The following CADM1 variants were observed in gnomAD, a reference collection of about 807,000 sequenced individuals.
CADM1 encodes cell adhesion molecule 1.
Under a neutral mutation model 53.1 loss-of-function variants are expected in CADM1, and 15 were observed. The observed-to-expected ratio is 0.28, with a 90% CI of 0.19 to 0.44. The LOEUF (loss-of-function observed/expected upper bound fraction) is 0.44. Among genes scored for constraint, CADM1 ranks in the 20% least tolerant of loss-of-function variants. CADM1 has a pLI of 1.00. For synonymous variants in CADM1, 281 were observed against 243.0 expected (o/e 1.16, Z -1.45); for missense variants, 434 against 611.3 (o/e 0.71, Z 3.06).
chr11:115,502,622 G>A (rs1949753459), intron 1 of CADM1, among the ~76,000 whole-genome samples: 2 of 151,938 alleles, frequency 1.3e-5, no homozygotes, highest in Non-Finnish European at 2.9e-5. Flanking sequence ...CGGAGACAGT[G>A]GCATGGAGGA....
At chr11:115,393,404 A>T (rs1946895601) in intron 1 of CADM1, among the ~76,000 whole-genome samples, 1 of 151,882 alleles carries the variant, frequency 6.6e-6, no homozygotes, top group Non-Finnish European at 1.5e-5. Flanking sequence ...AAAAAATTTT[A>T]AATGAAACAG....
intron 10 of CADM1, among the ~76,000 whole-genome samples, chr11:115,181,965 G>A (rs1939335472): frequency 6.6e-6 from 1 of 152,210 alleles, no homozygotes; most frequent in African/African-American, 2.4e-5. Context: ...AAGCATGGCT[G>A]CGACAAAGTC....
chr11:115,466,932 A>G (rs1167006863), intron 1 of CADM1, among the ~76,000 whole-genome samples: 1 of 152,240 alleles, frequency 6.6e-6, no homozygotes, highest in East Asian at 1.9e-4. Flanking sequence ...CTGTGAGTAC[A>G]TCACTTACCA....
chr11:115,247,746 T>C (rs943281896), intron 1 of CADM1, among the ~76,000 whole-genome samples: 1 of 152,214 alleles, frequency 6.6e-6, no homozygotes, highest in African/African-American at 2.4e-5. Context: ...CTGAAATTCC[T>C]TTGGGGAGAG....
At chr11:115,320,046 CTTTA>C (rs763301614) in intron 1 of CADM1, among the ~76,000 whole-genome samples, 8 of 152,030 alleles carry the variant, frequency 5.3e-5, no homozygotes, top group Non-Finnish European at 1.0e-4. Flanking sequence ...CTTTTCTAAA[CTTTA>C]TTTATTTATT....
intron 1 of CADM1, among the ~76,000 whole-genome samples, chr11:115,346,656 C>A (rs1486849825): frequency 6.6e-6 from 1 of 152,102 alleles, no homozygotes; most frequent in Non-Finnish European, 1.5e-5. Context: ...ATCAACTTTT[C>A]CCAGGTTTCT....
Position 115,169,299 on chromosome 11 carries a change from C to A in CADM1, c.*7175G>T, listed in dbSNP as rs953013792. Reference sequence around the variant, plus strand: ...AATTGGTGATCTTGGCTGGGGCTAACGTGACTCAAGGCCCTTCTCGATGCA... The same window carrying A: ...AATTGGTGATCTTGGCTGGGGCTAAAGTGACTCAAGGCCCTTCTCGATGCA... On this transcript the variant is annotated 3_prime_UTR_variant, in exon 12 of 12. Coordinates refer to ENST00000331581, the MANE Select transcript of CADM1 (RefSeq NM_001301043.2). 5.8e-6 allele frequency: 1 copy of A among 172,200 alleles called. No individual in the cohort carries two copies. Among genetic ancestry groups the A allele is most frequent in the South Asian group, 1.0e-4 (1 of 9,680 alleles). The allele number at this position is 172,200 out of a possible 1,614,324, so 10.7% of individuals were successfully genotyped here.
At chr11:115,280,527 G>A (rs1485929937) in intron 1 of CADM1, among the ~76,000 whole-genome samples, 1 of 152,244 alleles carries the variant, frequency 6.6e-6, no homozygotes, top group Non-Finnish European at 1.5e-5. Context: ...GGGATTAATT[G>A]TTAGTCCTAC....
chr11:115,187,999 C>T (rs1296426088), intron 10 of CADM1, among the ~76,000 whole-genome samples: 1 of 152,088 alleles, frequency 6.6e-6, no homozygotes, highest in Non-Finnish European at 1.5e-5. Context: ...TTTTTGGTGC[C>T]TTTGCTTCCA....
At chr11:115,250,220 T>C (rs1308939494) in intron 1 of CADM1, among the ~76,000 whole-genome samples, 1 of 152,216 alleles carries the variant, frequency 6.6e-6, no homozygotes, top group Non-Finnish European at 1.5e-5. Flanking sequence ...TTATTCTTTA[T>C]AAAATTATTT....
chr11:115,490,829 G>A (rs1298936092), intron 1 of CADM1, among the ~76,000 whole-genome samples: 1 of 152,134 alleles, frequency 6.6e-6, no homozygotes, highest in Non-Finnish European at 1.5e-5. Context: ...GTGTTTCTTG[G>A]ACAAGGGACC....
intron 1 of CADM1, among the ~76,000 whole-genome samples, chr11:115,486,286 C>A (rs1028455710): frequency 6.6e-6 from 1 of 152,176 alleles, no homozygotes; most frequent in Non-Finnish European, 1.5e-5. Flanking sequence ...AAAAAACCAA[C>A]CTGATGTTAC....
At chr11:115,278,429 T>A (rs1943501492) in intron 1 of CADM1, among the ~76,000 whole-genome samples, 1 of 152,106 alleles carries the variant, frequency 6.6e-6, no homozygotes, top group Non-Finnish European at 1.5e-5. Context: ...CAGGGCATAA[T>A]AAAGATCATA....
At chr11:115,179,735 TGAGTC>T (rs760770039) in intron 10 of CADM1, among the ~76,000 whole-genome samples, 12 of 152,324 alleles carry the variant, frequency 7.9e-5, no homozygotes, top group Admixed American at 3.3e-4. Context: ...TTTTTTTTAT[TGAGTC>T]AAGTACGACA....
intron 1 of CADM1, among the ~76,000 whole-genome samples, chr11:115,466,881 T>C (rs1256144025): frequency 6.6e-6 from 1 of 152,150 alleles, no homozygotes; most frequent in East Asian, 1.9e-4. Context: ...ACAACCCACT[T>C]ATATACACTG....
chr11:115,395,868 C>T (rs747665996), intron 1 of CADM1, among the ~76,000 whole-genome samples: 6 of 152,140 alleles, frequency 3.9e-5, no homozygotes, highest in African/African-American at 1.2e-4. Flanking sequence ...ATTTTAGTTG[C>T]TACATAGCAT....
chr11:115,480,168 AT>A (rs1242209863), intron 1 of CADM1, among the ~76,000 whole-genome samples: 1 of 152,182 alleles, frequency 6.6e-6, no homozygotes, highest in Non-Finnish European at 1.5e-5. Context: ...ACCTAAGTCT[AT>A]TTATTTTTAG....
chr11:115,378,373 C>T (rs548145136), intron 1 of CADM1, among the ~76,000 whole-genome samples: 2 of 152,046 alleles, frequency 1.3e-5, no homozygotes, highest in Non-Finnish European at 2.9e-5. Flanking sequence ...AGGTTGAACA[C>T]CTGATTCTCC....
chr11:115,181,743 G>C (rs371096866), intron 10 of CADM1, among the ~76,000 whole-genome samples: 3 of 152,104 alleles, frequency 2.0e-5, no homozygotes, highest in African/African-American at 7.2e-5. Context: ...ATCTCAGTCC[G>C]TTCTTTTATT....
Sources: gnomAD v4.1 joint callset for allele counts (sites outside exome capture counted in the v4.1 genomes callset) on GRCh38, gnomAD v4.1.1 for gene constraint, MANE v1.5 for transcripts, NCBI Gene and HGNC (gene_info 2026-07-23, HGNC 2026-07-21) for gene names.